The following CDYL variants were observed in gnomAD, a reference collection of about 807,000 sequenced individuals.
The protein encoded by CDYL is chromodomain Y like.
CDYL carries 8 observed loss-of-function variants against 47.3 expected under a neutral mutation model. The observed-to-expected ratio is 0.17, with a 90% CI of 0.10 to 0.31. The LOEUF (loss-of-function observed/expected upper bound fraction) is 0.31. Ranked by LOEUF, CDYL falls within the 10% of genes least tolerant of loss-of-function variation. CDYL has a pLI of 1.00. For missense variants in CDYL, 471 were observed against 701.4 expected (o/e 0.67, Z 3.71); for synonymous variants, 266 against 265.0 (o/e 1.00, Z -0.04).
At chr6:4,730,717 G>A (rs1306131373) in intron 2 of CDYL, among the ~76,000 whole-genome samples, 1 of 139,878 alleles carries the variant, frequency 7.1e-6, no homozygotes, top group Admixed American at 7.5e-5. Flanking sequence ...ACCTCTTTCA[G>A]CATCCCCTTG....
At chr6:4,935,919 G>A in intron 3 of CDYL, 148 bp downstream of exon 3, 2 of 1,261,854 alleles carry the variant, frequency 1.6e-6, no homozygotes, top group Non-Finnish European at 2.2e-6. Flanking sequence ...GGGAGCAGAG[G>A]GGAAGTTGCG....
chr6:4,805,484 A>G (rs1304109478), intron 1 of CDYL, among the ~76,000 whole-genome samples: 6 of 152,186 alleles, frequency 3.9e-5, no homozygotes, highest in Non-Finnish European at 8.8e-5. Flanking sequence ...AGAGAGAGAT[A>G]TATAGAACCA....
chr6:4,949,755 G>A (rs989504270), intron 5 of CDYL, among the ~76,000 whole-genome samples: 5 of 152,332 alleles, frequency 3.3e-5, no homozygotes, highest in Middle Eastern at 3.4e-3. Context: ...ATATGCTCAC[G>A]CAAATTGCGT....
intron 3 of CDYL, among the ~76,000 whole-genome samples, chr6:4,750,762 TATCTC>T (rs2033036594): frequency 6.6e-6 from 1 of 152,170 alleles, no homozygotes; most frequent in Non-Finnish European, 1.5e-5. Flanking sequence ...AGGAGTTTGT[TATCTC>T]ATTTAAAAAA....
At chr6:4,850,398 A>C (rs535272026) in intron 1 of CDYL, among the ~76,000 whole-genome samples, 76 of 152,336 alleles carry the variant, frequency 5.0e-4, no homozygotes, top group Middle Eastern at 3.4e-3. Flanking sequence ...TAACTAGAAA[A>C]GTCGATGTTT....
chr6:4,915,045 G>T (rs1757517378), intron 2 of CDYL, among the ~76,000 whole-genome samples: 1 of 152,186 alleles, frequency 6.6e-6, no homozygotes, highest in Admixed American at 6.5e-5. Context: ...TGTGTGCTGG[G>T]GCTGGCCCAA....
chr6:4,859,824 T>C (rs544055493), intron 1 of CDYL, among the ~76,000 whole-genome samples: 7 of 152,292 alleles, frequency 4.6e-5, no homozygotes, highest in African/African-American at 1.7e-4. Flanking sequence ...CAGCTCTGAG[T>C]GGCTGCCTCG....
At chr6:4,728,157 T>C (rs1757546981) in intron 2 of CDYL, among the ~76,000 whole-genome samples, 1 of 152,232 alleles carries the variant, frequency 6.6e-6, no homozygotes, top group Non-Finnish European at 1.5e-5. Context: ...TCCGCTCCCA[T>C]GAAATGACTG....
chr6:4,792,027 C>T (rs561079275), intron 1 of CDYL, among the ~76,000 whole-genome samples: 5 of 151,214 alleles, frequency 3.3e-5, no homozygotes, highest in East Asian at 3.9e-4. Flanking sequence ...GGACTACAGG[C>T]GCCTACCACC....
chr6:4,722,104 C>T (rs764725395), intron 2 of CDYL, among the ~76,000 whole-genome samples: 1 of 152,196 alleles, frequency 6.6e-6, no homozygotes, highest in Non-Finnish European at 1.5e-5. Flanking sequence ...CCGCATGCCT[C>T]AGCCTCCCAA....
At chr6:4,749,469 TGGATGGATGAA>T in intron 3 of CDYL, among the ~76,000 whole-genome samples, 1 of 23,440 alleles carries the variant, frequency 4.3e-5, no homozygotes, top group Non-Finnish European at 1.0e-3. Context: ...ATGTGATGGA[TGGATGGATGAA>T]TGGATGGATG....
chr6:4,851,420 A>G (rs995087117), intron 1 of CDYL, among the ~76,000 whole-genome samples: 1 of 152,116 alleles, frequency 6.6e-6, no homozygotes, highest in Non-Finnish European at 1.5e-5. Context: ...GGGCTGGCAA[A>G]TGTTTAACTT....
intron 1 of CDYL, among the ~76,000 whole-genome samples, chr6:4,791,077 C>T (rs1009983378): frequency 5.9e-5 from 9 of 152,172 alleles, no homozygotes; most frequent in Non-Finnish European, 1.0e-4. Context: ...CGAAGTGTAA[C>T]GTCTTTGGAG....
chr6:4,879,644 T>G (rs1761711616), intron 1 of CDYL, among the ~76,000 whole-genome samples: 1 of 146,822 alleles, frequency 6.8e-6, no homozygotes. Context: ...TTGCAACCTC[T>G]GCCTCCCGGG....
At chr6:4,775,824 G>A (rs933109367), upstream of CDYL, among the ~76,000 whole-genome samples, 23 of 150,374 alleles carry the variant, frequency 1.5e-4, 1 homozygote, top group Admixed American at 1.5e-3. The surrounding 1 kb of genome is among the most constrained non-coding windows in gnomAD (Gnocchi z 7.0). Flanking sequence ...GGCCCTTCGC[G>A]GGCTGGCCCG....
chr6:4,803,958 T>G (rs1274071291), intron 1 of CDYL, among the ~76,000 whole-genome samples: 1 of 151,486 alleles, frequency 6.6e-6, no homozygotes, highest in Non-Finnish European at 1.5e-5. Context: ...AAATAGCTTA[T>G]GTGTCTCATG....
chr6:4,909,337 A>G (rs1333933112), intron 2 of CDYL, among the ~76,000 whole-genome samples: 2 of 152,156 alleles, frequency 1.3e-5, no homozygotes, highest in African/African-American at 2.4e-5. Context: ...ACCTCCAGCT[A>G]TTCAGTAGCT....
chr6:4,719,868 G>GA lies in CDYL; in HGVS notation c.103+3994dup, dbSNP rs572791927. ...AAATACCTTCTATGGCCATTACACA[G>GA]AAAAAAACTTATCTGTGCCTGCAAA... On this transcript the variant is annotated intron_variant, in intron 2 of 8. Coordinates refer to the CDYL transcript ENST00000328908. Among the ~76,000 whole-genome samples the GA allele has an allele frequency of 2.5e-3, 385 of 152,164 alleles. 4 individuals carry two copies. Among genetic ancestry groups the GA allele is most frequent in the African/African-American group, 8.2e-3 (342 of 41,510 alleles).
intron 2 of CDYL, among the ~76,000 whole-genome samples, chr6:4,722,426 A>C (rs1458594438): frequency 3.3e-5 from 5 of 152,204 alleles, no homozygotes; most frequent in African/African-American, 1.2e-4. Context: ...AAAAACACAA[A>C]AACTAATTAA....
Sources: allele counts gnomAD v4.1 joint callset (sites outside exome capture counted in the v4.1 genomes callset), GRCh38; gene constraint gnomAD v4.1.1; non-coding constraint Gnocchi (gnomAD v3.1); transcripts MANE v1.5; gene names NCBI Gene and HGNC (gene_info 2026-07-23, HGNC 2026-07-21).